Variants in RSU1 observed in about 807,000 individuals in gnomAD.
The protein encoded by RSU1 is Ras suppressor protein 1, also known as rsu-1.
Under a neutral mutation model 31.1 loss-of-function variants are expected in RSU1, and 26 were observed. That is an observed-to-expected ratio of 0.84 (90% CI 0.61 to 1.16). The LOEUF (loss-of-function observed/expected upper bound fraction) is 1.16. RSU1 is among the 50% of genes most tolerant of loss of function. The probability of loss-of-function intolerance (pLI) is 0.00; values close to 1 mark genes in which losing one functional copy is unlikely to be tolerated. For missense variants in RSU1, 320 were observed against 339.1 expected, an observed-to-expected ratio of 0.94 and a Z score of 0.44; for synonymous variants, 164 against 136.3, an observed-to-expected ratio of 1.20 and a Z score of -1.41.
intron 2 of RSU1, among the ~76,000 whole-genome samples, chr10:16,793,144 A>G (rs776200769): frequency 1.3e-5 from 2 of 152,254 alleles, no homozygotes; most frequent in Non-Finnish European, 2.9e-5. Context: ...TTTTGTTCAT[A>G]AGGTAAAACT....
At chr10:16,600,012 T>C (rs921335685) in intron 8 of RSU1, among the ~76,000 whole-genome samples, 11 of 152,070 alleles carry the variant, frequency 7.2e-5, no homozygotes, top group African/African-American at 1.2e-4. Flanking sequence ...TCTCCCCTGA[T>C]AGCCGGGATT....
rs537213168 is a variant in RSU1, at chr10:16,593,569, C to T, written c.732-73G>A. ...AGATAGCTTTCACTGGAAGAGCTTT[C>T]AGGAATAGAAGAATCTCCAAAAATA... On this transcript the variant is annotated intron_variant, in intron 8 of 8. Transcript: ENST00000345264. The T allele has an allele frequency of 2.0e-5, 24 of 1,176,380 alleles. No individual in the cohort carries two copies. In the Middle Eastern group the frequency reaches 9.7e-4, roughly 48 times the overall value. 72.9% of individuals were successfully genotyped at this position (1,176,380 alleles called of 1,614,324 possible). A position where few individuals can be genotyped will look rare whatever the true frequency, so the allele number is the denominator to read the frequency against.
chr10:16,770,152 G>T (rs1413034686), intron 3 of RSU1, among the ~76,000 whole-genome samples: 2 of 152,022 alleles, frequency 1.3e-5, no homozygotes, highest in Admixed American at 6.6e-5. Flanking sequence ...CAGCTGATTT[G>T]GGGGCTTTTT....
chr10:16,656,720 A>G (rs1365841538), intron 8 of RSU1, among the ~76,000 whole-genome samples: 1 of 152,260 alleles, frequency 6.6e-6, no homozygotes, highest in East Asian at 1.9e-4. Flanking sequence ...GAATCGGCTT[A>G]TATATATTAA....
intron 7 of RSU1, among the ~76,000 whole-genome samples, chr10:16,712,452 C>A (rs182909727): frequency 6.6e-6 from 1 of 151,932 alleles, no homozygotes; most frequent in African/African-American, 2.4e-5. Context: ...TTCTGTGCTG[C>A]GAAGTTTTGT....
chr10:16,794,793 A>G (rs1357097943), intron 2 of RSU1, among the ~76,000 whole-genome samples: 1 of 152,238 alleles, frequency 6.6e-6, no homozygotes, highest in African/African-American at 2.4e-5. Context: ...CCATAATAAA[A>G]ATAATATAAA....
At chr10:16,717,051 C>G (rs937272609) in intron 7 of RSU1, among the ~76,000 whole-genome samples, 1 of 152,036 alleles carries the variant, frequency 6.6e-6, no homozygotes, top group Non-Finnish European at 1.5e-5. Context: ...AAGTATGAAA[C>G]GAAATTAACT....
chr10:16,640,603 T>C (rs17138910), intron 8 of RSU1, among the ~76,000 whole-genome samples: 33,287 of 152,172 alleles, frequency 0.22, 3,917 homozygotes, highest in South Asian at 0.39. Context: ...ACTCCAAGCA[T>C]AGTCAATTTC....
At chr10:16,639,857 C>T (rs929363485) in intron 8 of RSU1, among the ~76,000 whole-genome samples, 1 of 152,208 alleles carries the variant, frequency 6.6e-6, no homozygotes, top group African/African-American at 2.4e-5. Context: ...TTTGGTTTAG[C>T]ACCTAGAAAC....
intron 8 of RSU1, among the ~76,000 whole-genome samples, chr10:16,603,991 G>C (rs1223060641): frequency 6.6e-6 from 1 of 152,136 alleles, no homozygotes; most frequent in East Asian, 1.9e-4. Flanking sequence ...AACCTAAATA[G>C]TAATCATCTA....
chr10:16,593,733 A>C (rs1286468260), intron 8 of RSU1, among the ~76,000 whole-genome samples: 1 of 152,202 alleles, frequency 6.6e-6, no homozygotes, highest in African/African-American at 2.4e-5. Flanking sequence ...TTTCACACTC[A>C]CTGGGAGAAG....
intron 8 of RSU1, among the ~76,000 whole-genome samples, chr10:16,615,978 A>T (rs1009090634): frequency 6.6e-6 from 1 of 152,196 alleles, no homozygotes; most frequent in African/African-American, 2.4e-5. Flanking sequence ...GAGAAGCAAG[A>T]GCATACAAAT....
intron 7 of RSU1, among the ~76,000 whole-genome samples, chr10:16,739,944 A>G (rs1278163381): frequency 6.6e-6 from 1 of 152,138 alleles, no homozygotes; most frequent in African/African-American, 2.4e-5. Context: ...AGAATTACCA[A>G]AAGACTCTAG....
intron 4 of RSU1, among the ~76,000 whole-genome samples, chr10:16,761,324 G>T (rs1442746671): frequency 1.3e-5 from 2 of 152,162 alleles, no homozygotes; most frequent in African/African-American, 4.8e-5. Context: ...TTTGTTTATA[G>T]TTGGTTTCTC....
At chr10:16,599,991 C>T (rs1364320142) in intron 8 of RSU1, among the ~76,000 whole-genome samples, 1 of 152,114 alleles carries the variant, frequency 6.6e-6, no homozygotes, top group Non-Finnish European at 1.5e-5. Context: ...GACATGGAAC[C>T]CTAGAGCATC....
At chr10:16,736,665 A>T (rs1233455985) in intron 7 of RSU1, among the ~76,000 whole-genome samples, 1 of 152,140 alleles carries the variant, frequency 6.6e-6, no homozygotes, top group Non-Finnish European at 1.5e-5. Context: ...AGAAAACTAG[A>T]CATTCAGAGT....
At chr10:16,772,597 C>T (rs534911211) in intron 3 of RSU1, among the ~76,000 whole-genome samples, 29 of 129,832 alleles carry the variant, frequency 2.2e-4, no homozygotes, top group Middle Eastern at 4.0e-3. Context: ...AGGAAAAATG[C>T]CTAGAAAATT....
At chr10:16,783,984 C>T (rs1312746959) in intron 2 of RSU1, among the ~76,000 whole-genome samples, 2 of 152,178 alleles carry the variant, frequency 1.3e-5, no homozygotes, top group African/African-American at 4.8e-5. Flanking sequence ...AGGTCTTTGT[C>T]GTCTCCTCTA....
At chr10:16,705,566 T>C (rs954064449) in intron 7 of RSU1, among the ~76,000 whole-genome samples, 6 of 152,182 alleles carry the variant, frequency 3.9e-5, no homozygotes, top group African/African-American at 1.2e-4. Context: ...CTCAGCTCAC[T>C]GCAACATCTG....
Sources: gnomAD v4.1 joint callset for allele counts (sites outside exome capture counted in the v4.1 genomes callset) on GRCh38, gnomAD v4.1.1 for gene constraint, MANE v1.5 for transcripts, NCBI Gene and HGNC (gene_info 2026-07-23, HGNC 2026-07-21) for gene names.